ITGAM: variants seen among roughly 807,000 people sequenced by gnomAD.
The protein encoded by ITGAM is integrin alpha-M.
A neutral mutation model predicts 137.5 loss-of-function variants in ITGAM; 79 were observed. The observed-to-expected ratio is 0.57, with a 90% CI of 0.48 to 0.69. The LOEUF is 0.69. Ranked by LOEUF, ITGAM falls within the 30% of genes least tolerant of loss-of-function variation. ITGAM has a pLI of 0.00. For synonymous variants in ITGAM, 583 were observed against 592.3 expected (o/e 0.98, Z 0.23); for missense variants, 1,343 against 1,483.5 (o/e 0.91, Z 1.56).
chr16:31,275,692 G>T lies in ITGAM; in HGVS notation c.1002G>T (p.Ala334=). 1 of 1,613,720 alleles carries T rather than the reference G, an allele frequency of 6.2e-7. No individual in the cohort carries two copies. The highest frequency in any genetic ancestry group is 1.1e-5 in the South Asian group (1 of 91,056). The change falls in exon 9 of 30, where the codon GCG becomes GCT. Residue 334 remains alanine (A), a synonymous_variant. Transcript: ENST00000544665. ...IQNQLREKIF[A]IEGTQTGSSS... ...ACCAGCTTCGGGAGAAGATCTTTGC[G>T]ATCGAGGGTGAGTCAGGCATCTGTG...
At position 31,302,918 on chromosome 16, in the gene ITGAM, C is replaced by CTCTTTCTT. The variant is rs67320202; in HGVS notation, c.1707+5038_1707+5045dup. Among the ~76,000 whole-genome samples the CTCTTTCTT allele has an allele frequency of 5.6e-3, 407 of 73,014 alleles. 11 individuals carry two copies. Among genetic ancestry groups the CTCTTTCTT allele is most frequent in the East Asian group, 9.2e-3 (25 of 2,704 alleles). The allele number at this position is 73,014 out of a possible 152,430, so 47.9% of individuals were successfully genotyped here. A position where few individuals can be genotyped will look rare whatever the true frequency, so the allele number is the denominator to read the frequency against. The stretch of plus-strand genomic sequence containing the variant: ...TCTTTCTCTCTCTCTCTTTCCCTCC[C>CTCTTTCTT]TCTTTCTTTCTTTCTTTCTTTCTTT... On this transcript the variant is annotated intron_variant, in intron 14 of 29. Transcript: ENST00000544665.
intron 14 of ITGAM, among the ~76,000 whole-genome samples, chr16:31,306,818 C>G (rs1191378046): frequency 6.6e-6 from 1 of 152,082 alleles, no homozygotes; most frequent in African/African-American, 2.4e-5. Flanking sequence ...CCGCAAAGTA[C>G]TCTTAATGAC....
At chr16:31,260,650 G>A (rs1462173460) in intron 1 of ITGAM, among the ~76,000 whole-genome samples, 1 of 152,204 alleles carries the variant, frequency 6.6e-6, no homozygotes, top group Non-Finnish European at 1.5e-5. Context: ...TCACTGTTGG[G>A]CAAATCATCG....
At chr16:31,312,186 A>G (rs950385460) in intron 14 of ITGAM, among the ~76,000 whole-genome samples, 1 of 147,026 alleles carries the variant, frequency 6.8e-6, no homozygotes, top group Non-Finnish European at 1.5e-5. Context: ...CCTAATGCTA[A>G]ATGACGAGTT....
chr16:31,275,081 G>C lies in ITGAM; in HGVS notation c.859-468G>C, dbSNP rs567787240. Among the ~76,000 whole-genome samples, 95 of 152,258 alleles carry C rather than the reference G, an allele frequency of 6.2e-4. 1 individual carries two copies. Among genetic ancestry groups the C allele is most frequent in the Admixed American group, 2.2e-3 (33 of 15,288 alleles). On this transcript the variant is annotated intron_variant, in intron 8 of 29. Transcript: ENST00000544665. ...GTCTGAGCCCAGAGGCAATGAAGGGGGCAGATGACTCCACCAAGAGCAGGA... is the reference window on the plus strand; with the variant it reads ...GTCTGAGCCCAGAGGCAATGAAGGGCGCAGATGACTCCACCAAGAGCAGGA...
At chr16:31,300,312 T>G (rs1304843109) in intron 14 of ITGAM, among the ~76,000 whole-genome samples, 1 of 152,240 alleles carries the variant, frequency 6.6e-6, no homozygotes, top group Non-Finnish European at 1.5e-5. Flanking sequence ...GTGGGATTAT[T>G]AAATCATATG....
At chr16:31,272,423 C>A (rs8056944) in intron 7 of ITGAM, among the ~76,000 whole-genome samples, 1,035 of 31,482 alleles carry the variant, frequency 0.033, 42 homozygotes, top group Non-Finnish European at 0.046. Flanking sequence ...GGCCAATTAA[C>A]TATATATATA....
At chr16:31,261,668 A>G (rs1289558442) in intron 1 of ITGAM, 24 bp from the exon 2 acceptor site, 1 of 1,515,982 alleles carries the variant, frequency 6.6e-7, no homozygotes, top group Non-Finnish European at 9.1e-7. Context: ...CCTCTGCTTG[A>G]TCCTTCCCCC....
rs1189468946 is a variant in ITGAM, at chr16:31,324,091, G to A, written c.2003-308G>A. On this transcript the variant is annotated intron_variant, in intron 16 of 29. Transcript: ENST00000544665. This position sits in a 1 kb window ranked among gnomAD's most constrained non-coding sequence, Gnocchi z 4.5. ...GAAAGGAAGGAAAGTAGGAAAGGAA[G>A]GAAAGGAAGAAAAGGAAGGAAGGAA... Among the ~76,000 whole-genome samples the A allele has an allele frequency of 4.7e-5, 6 of 126,360 alleles. No homozygotes were observed. The highest frequency in any genetic ancestry group is 9.6e-5 in the Non-Finnish European group (6 of 62,180). 82.9% of individuals were successfully genotyped at this position (126,360 alleles called of 152,430 possible). A position where few individuals can be genotyped will look rare whatever the true frequency, so the allele number is the denominator to read the frequency against.
chr16:31,287,394 A>G (rs2080039921), intron 12 of ITGAM, among the ~76,000 whole-genome samples: 1 of 152,118 alleles, frequency 6.6e-6, no homozygotes, highest in Non-Finnish European at 1.5e-5. Flanking sequence ...AGTTTTTTCT[A>G]TCTGTGAACA....
chr16:31,330,795 GAC>G (rs10574650), intron 28 of ITGAM, among the ~76,000 whole-genome samples, 190 bp downstream of exon 28: 43,155 of 127,388 alleles, frequency 0.34, 7,465 homozygotes, highest in East Asian at 0.68. Context: ...GGGAGAAACA[GAC>G]ACAGAGACAG....
At chr16:31,311,931 T>C (rs533614438) in intron 14 of ITGAM, among the ~76,000 whole-genome samples, 2 of 152,114 alleles carry the variant, frequency 1.3e-5, no homozygotes, top group East Asian at 1.9e-4. Flanking sequence ...GTGGCACATA[T>C]ACACCATGGA....
rs1205525952 is a variant in ITGAM, at chr16:31,276,775, G to A, written c.1083+31G>A. On this transcript the variant is annotated intron_variant, in intron 10 of 29. Transcript: ENST00000544665. Reference sequence around the variant, plus strand: ...TGGCCCTTCATTAAATTGCGGGGGTGGGGCAGGGGGTAGCAAGAAGAGATA... The same window carrying A: ...TGGCCCTTCATTAAATTGCGGGGGTAGGGCAGGGGGTAGCAAGAAGAGATA... 4 of 1,589,302 alleles carry A rather than the reference G, an allele frequency of 2.5e-6. No individual in the cohort carries two copies. In the African/African-American group the frequency reaches 4.0e-5, roughly 16 times the overall value.
At chr16:31,318,614 G>A (rs1446724828) in intron 14 of ITGAM, among the ~76,000 whole-genome samples, 2 of 152,118 alleles carry the variant, frequency 1.3e-5, no homozygotes, top group Non-Finnish European at 2.9e-5. Flanking sequence ...AAAGTGCTGG[G>A]ATTGCAGGCG....
At chr16:31,289,283 C>T (rs2080061485) in intron 12 of ITGAM, among the ~76,000 whole-genome samples, 1 of 152,176 alleles carries the variant, frequency 6.6e-6, no homozygotes, top group East Asian at 1.9e-4. Context: ...ATAAATCATG[C>T]TGCTATAAAG....
rs749113381 is a variant in ITGAM, at chr16:31,297,836, T to G, written c.1589T>G (p.Val530Gly). 2.5e-6 allele frequency: 4 copies of G among 1,613,262 alleles called. No homozygotes were observed. In the Admixed American group the frequency reaches 5.0e-5, roughly 20 times the overall value. ...GCAGCCCTAACAGTGCTGGGGGACG[T>G]AAATGGGGACAAGCTGACGGACGTG... is the stretch of plus-strand genomic sequence containing the variant. ...FGAALTVLGD[V>G]NGDKLTDVAI... Residue 530 changes from valine (V) to glycine (G), a missense_variant, in exon 14 of 30, where the codon GTA (valine) becomes GGA (glycine). Coordinates refer to ENST00000544665, the MANE Select transcript of ITGAM (RefSeq NM_000632.4).
intron 16 of ITGAM, among the ~76,000 whole-genome samples, chr16:31,323,355 G>A (rs2080470055): frequency 6.6e-6 from 1 of 151,742 alleles, no homozygotes. Context: ...GAACCTGGGA[G>A]GCGGATGTTG....
chr16:31,270,084 CCTT>C (rs149869430), intron 5 of ITGAM, among the ~76,000 whole-genome samples: 26,754 of 149,628 alleles, frequency 0.18, 3,228 homozygotes, highest in African/African-American at 0.33. Flanking sequence ...AGAATCTACT[CCTT>C]TTGTATATCT....
intron 14 of ITGAM, 137 bp from the exon 15 acceptor site, chr16:31,321,104 G>C: frequency 2.2e-6 from 2 of 892,048 alleles, no homozygotes; most frequent in Admixed American, 2.2e-5. Context: ...AGCTGTCCTA[G>C]TTCCTTGGTT....
Sources: allele counts gnomAD v4.1 joint callset (sites outside exome capture counted in the v4.1 genomes callset), GRCh38; gene constraint gnomAD v4.1.1; non-coding constraint Gnocchi (gnomAD v3.1); transcripts MANE v1.5; gene names NCBI Gene and HGNC (gene_info 2026-07-23, HGNC 2026-07-21).